TAFA3: variants seen among roughly 807,000 people sequenced by gnomAD.
TAFA3 encodes the protein TAFA chemokine like family member 3, also known as chemokine-like protein TAFA-3.
A neutral mutation model predicts 20.7 loss-of-function variants in TAFA3; 17 were observed. That is an observed-to-expected ratio of 0.82 (90% CI 0.56 to 1.23). The LOEUF (loss-of-function observed/expected upper bound fraction) is 1.23, where lower values mean the gene tolerates loss of function less well. Ranked by LOEUF, TAFA3 falls within the 50% of genes most tolerant of loss-of-function variation. The pLI, the probability that TAFA3 is intolerant of heterozygous loss-of-function variation, is 0.00. For missense variants in TAFA3, 174 were observed against 172.8 expected (o/e 1.01, Z -0.04); for synonymous variants, 74 against 71.8 (o/e 1.03, Z -0.16).
Position 112,721,671 on chromosome 1 carries a change from A to C in TAFA3, c.-1-562A>C, listed in dbSNP as rs191376514. 1.1e-3 allele frequency among the ~76,000 whole-genome samples: 163 copies of C among 152,224 alleles called. 1 individual carries two copies. Among genetic ancestry groups the C allele is most frequent in the Middle Eastern group, 0.01 (3 of 294 alleles). On this transcript the variant is annotated intron_variant, in intron 2 of 5. Transcript: ENST00000361886. ...CACTTTGCTTTTTTTCCCCCTTAAC[A>C]GTGGATTATCACTGGAGATCACTGC...
In TAFA3 at chr1:112,719,187, C is replaced by A. The variant is rs759281684; in HGVS notation, c.-172C>A. Among the ~76,000 whole-genome samples the A allele has an allele frequency of 2.0e-5, 3 of 152,240 alleles. No homozygotes were observed. The highest frequency in any genetic ancestry group is 4.4e-5 in the Non-Finnish European group (3 of 68,040). On this transcript the variant is annotated 5_prime_UTR_variant, in exon 1 of 6. Transcript: ENST00000361886. ...GACAGGGCTCCGGACTAGACAGCAC[C>A]CAAGCTGGCCGCTCCCTCCCAAAGT... is the stretch of plus-strand genomic sequence containing the variant.
At position 112,721,285 on chromosome 1, in the gene TAFA3, A is replaced by G. The variant is rs74910644; in HGVS notation, c.-2+651A>G. On this transcript the variant is annotated intron_variant, in intron 2 of 5. Transcript: ENST00000361886. ...TATATTTTTCAAAGCTAGTTTATGC[A>G]TATCTGAGCAACATAGATAATCCTT... is the stretch of plus-strand genomic sequence containing the variant. 6.2e-3 allele frequency among the ~76,000 whole-genome samples: 938 copies of G among 152,300 alleles called. 8 individuals carry two copies. The highest frequency in any genetic ancestry group is 0.022 in the African/African-American group (903 of 41,550).
At chr1:112,726,393 C>A (rs1675472809) in intron 5 of TAFA3, among the ~76,000 whole-genome samples, 1 of 152,150 alleles carries the variant, frequency 6.6e-6, no homozygotes, top group South Asian at 2.1e-4. Context: ...GGGTTTGTGG[C>A]CTGTAAGGAA....
At chr1:112,724,318 G>A (rs1675407351) in intron 5 of TAFA3, among the ~76,000 whole-genome samples, 181 bp downstream of exon 5, 1 of 152,058 alleles carries the variant, frequency 6.6e-6, no homozygotes, top group Admixed American at 6.5e-5. Flanking sequence ...AGGGGGGTCA[G>A]GACTTGAAAT....
In TAFA3 at chr1:112,722,249, G is replaced by C. The variant is rs761996239; in HGVS notation, c.16G>C (p.Glu6Gln). 5.6e-6 allele frequency: 9 copies of C among 1,614,110 alleles called. No individual in the cohort carries two copies. The highest frequency in any genetic ancestry group is 6.8e-6 in the Non-Finnish European group (8 of 1,180,010). MSERVERNWSTGGWLL... is the reference protein window; with the variant it reads MSERVQRNWSTGGWLL... ...TCTCCGCAGGATGAGTGAGAGGGTC[G>C]AGCGGAACTGGAGCACGGGCGGCTG... The change falls in exon 3 of 6, where the codon GAG (glutamate) becomes CAG (glutamine). Residue 6 changes from glutamate to glutamine, a missense_variant. Physicochemically the swap from Glu to Gln is conservative, Grantham distance 29 (BLOSUM62 2). Transcript: ENST00000361886.
chr1:112,721,081 C>T (rs1345571033), intron 2 of TAFA3, among the ~76,000 whole-genome samples: 1 of 152,186 alleles, frequency 6.6e-6, no homozygotes, highest in African/African-American at 2.4e-5. Context: ...CTGTTAGCCT[C>T]GGTTTCACCT....
intron 3 of TAFA3, among the ~76,000 whole-genome samples, chr1:112,722,559 G>T (rs549491164): frequency 1.3e-5 from 2 of 152,146 alleles, no homozygotes; most frequent in Non-Finnish European, 2.9e-5. Context: ...CAGACCCTTT[G>T]CTCACCTCTC....
chr1:112,722,346 C>G lies in TAFA3; in HGVS notation c.113C>G (p.Thr38Arg), dbSNP rs116534797. The G allele has an allele frequency of 1.2e-6, 2 of 1,612,838 alleles. No homozygotes were observed. The highest frequency in any genetic ancestry group is 1.7e-6 in the Non-Finnish European group (2 of 1,179,806). ...GCTGCCTTGCAGCCTCCCACTGCCA[C>G]AGGTTTGGAGGAGGTGGCAGGGCCC... ...TLAALQPPTATVLVQQGTCEV... is the reference protein window; with the variant it reads ...TLAALQPPTARVLVQQGTCEV... Residue 38 changes from threonine (T) to arginine (R), a missense_variant and splice_region_variant, in exon 3 of 6, where the codon ACA becomes AGA. Physicochemically the swap from Thr to Arg is moderately conservative, Grantham distance 71. Transcript: ENST00000361886.
At chr1:112,719,576 TGA>T (rs1483716091) in intron 1 of TAFA3, among the ~76,000 whole-genome samples, 1 of 152,080 alleles carries the variant, frequency 6.6e-6, no homozygotes, top group Non-Finnish European at 1.5e-5. Flanking sequence ...ATGCCAGGGA[TGA>T]GAGCCCAAAT....
At chr1:112,724,203 A>G in intron 5 of TAFA3, 66 bp downstream of exon 5, 1 of 1,408,054 alleles carries the variant, frequency 7.1e-7, no homozygotes. Flanking sequence ...AAAAGGGGGC[A>G]CAGGAGCCTT....
chr1:112,724,365 C>T (rs780601682), intron 5 of TAFA3, among the ~76,000 whole-genome samples: 3 of 151,818 alleles, frequency 2.0e-5, no homozygotes, highest in Admixed American at 6.6e-5. Flanking sequence ...TGTCCATATA[C>T]GCTGGTTTCC....
chr1:112,721,661 C>G (rs188010290), intron 2 of TAFA3, among the ~76,000 whole-genome samples: 2 of 152,188 alleles, frequency 1.3e-5, no homozygotes, highest in East Asian at 3.9e-4. Flanking sequence ...TGCTTTTTTT[C>G]CCCCTTAACA....
intron 5 of TAFA3, among the ~76,000 whole-genome samples, chr1:112,725,995 G>A (rs1675461363): frequency 6.6e-6 from 1 of 152,150 alleles, no homozygotes. Context: ...AAATTAGCTG[G>A]GCATAATGGC....
chr1:112,725,412 A>G (rs1675445401), intron 5 of TAFA3, among the ~76,000 whole-genome samples: 2 of 152,180 alleles, frequency 1.3e-5, no homozygotes, highest in African/African-American at 2.4e-5. Flanking sequence ...AAAAAAAAAA[A>G]AAACATAGTC....
At chr1:112,725,106 G>T (rs1675436218) in intron 5 of TAFA3, among the ~76,000 whole-genome samples, 1 of 152,160 alleles carries the variant, frequency 6.6e-6, no homozygotes, top group African/African-American at 2.4e-5. Context: ...TGAAGGCCAT[G>T]ATCCTAAGGG....
chr1:112,722,396 T>G lies in TAFA3; in HGVS notation c.115+48T>G, dbSNP rs760493924. 5.3e-6 allele frequency: 8 copies of G among 1,520,048 alleles called. No homozygotes were observed. In the South Asian group the frequency reaches 9.0e-5, roughly 17 times the overall value. 94.2% of individuals were successfully genotyped at this position (1,520,048 alleles called of 1,614,324 possible). ...CGGGGAGGGAGTTTCCCAGGACACC[T>G]GGGGAGCTGGACACCACTCCACCGT... On this transcript the variant is annotated intron_variant, in intron 3 of 5. Transcript: ENST00000361886.
chr1:112,727,031 C>A lies in TAFA3; in HGVS notation c.*391C>A. 4.3e-6 allele frequency: 1 copy of A among 230,294 alleles called. No homozygotes were observed. 14.3% of individuals were successfully genotyped at this position (230,294 alleles called of 1,614,324 possible). On this transcript the variant is annotated 3_prime_UTR_variant, in exon 6 of 6. Coordinates refer to ENST00000361886, the MANE Select transcript of TAFA3 (RefSeq NM_182759.3). ...GAGATTCCCACAGTTCTTCAGATAC[C>A]CTGTGGCCACAGGGCATAGAAACAA...
chr1:112,722,951 C>A, intron 3 of TAFA3, 65 bp from the exon 4 acceptor site: 1 of 1,533,300 alleles, frequency 6.5e-7, no homozygotes, highest in Non-Finnish European at 8.8e-7. Flanking sequence ...GGAGGCCAGC[C>A]CGGGTGGGCG....
rs752147326 is a variant in TAFA3, at chr1:112,722,307, C to A, written c.74C>A (p.Thr25Asn). The A allele has an allele frequency of 1.2e-6, 2 of 1,613,970 alleles. No individual in the cohort carries two copies. Among genetic ancestry groups the A allele is most frequent in the South Asian group, 2.2e-5 (2 of 91,070 alleles). Residue 25 changes from threonine to asparagine, a missense_variant, in exon 3 of 6, where the codon ACC (threonine) becomes AAC (asparagine). By Grantham distance (65) the Thr-to-Asn change is moderately conservative. Coordinates refer to ENST00000361886, the MANE Select transcript of TAFA3 (RefSeq NM_182759.3). ...LLALCLAWLW[T>N]HLTLAALQPP... ...GCACTGTGCCTGGCCTGGCTGTGGA[C>A]CCACCTGACCTTGGCTGCCTTGCAG...
Sources: allele counts gnomAD v4.1 joint callset (sites outside exome capture counted in the v4.1 genomes callset), GRCh38; gene constraint gnomAD v4.1.1; transcripts MANE v1.5; gene names NCBI Gene and HGNC (gene_info 2026-07-23, HGNC 2026-07-21).